PRKCE: variants seen among roughly 807,000 people sequenced by gnomAD.
PRKCE encodes protein kinase C epsilon type.
PRKCE carries 16 observed loss-of-function variants against 85.4 expected under a neutral mutation model. The ratio of observed to expected loss-of-function variants is 0.19; its 90% CI spans 0.13 to 0.28. PRKCE has a LOEUF of 0.28. Ranked by LOEUF, PRKCE falls within the 10% of genes least tolerant of loss-of-function variation. PRKCE has a pLI of 1.00. For synonymous variants in PRKCE, 388 were observed against 371.5 expected, an observed-to-expected ratio of 1.04 and a Z score of -0.51; for missense variants, 573 against 975.2, an observed-to-expected ratio of 0.59 and a Z score of 5.49.
chr2:46,074,460 A>G (rs1401459736), intron 10 of PRKCE, among the ~76,000 whole-genome samples: 1 of 150,052 alleles, frequency 6.7e-6, no homozygotes, highest in Non-Finnish European at 1.5e-5. Flanking sequence ...AAAAACACGG[A>G]TAGAAAAAAC....
chr2:46,108,313 ATTATG>A (rs1671934446), intron 11 of PRKCE, among the ~76,000 whole-genome samples: 1 of 151,966 alleles, frequency 6.6e-6, no homozygotes, highest in Admixed American at 6.5e-5. Context: ...TTGACTTTTT[ATTATG>A]TTAATAGTGT....
At chr2:45,917,006 CAA>C (rs1325005564) in intron 2 of PRKCE, among the ~76,000 whole-genome samples, 1 of 152,092 alleles carries the variant, frequency 6.6e-6, no homozygotes, top group African/African-American at 2.4e-5. Context: ...GGATTTATTG[CAA>C]AGAGTGAAAG....
chr2:46,038,562 C>T (rs1053763302), intron 10 of PRKCE, among the ~76,000 whole-genome samples: 1 of 151,930 alleles, frequency 6.6e-6, no homozygotes, highest in Non-Finnish European at 1.5e-5. Context: ...CAAAGGTTCT[C>T]ACCTCCCAAA....
rs1249861884 is a variant in PRKCE at position 46,063,210 on chromosome 2, G to A, written c.1438-22998G>A. Among the ~76,000 whole-genome samples, 5 of 152,110 alleles carry A rather than the reference G, an allele frequency of 3.3e-5. No homozygotes were observed. The East Asian group carries it at 9.6e-4, about 29-fold the overall frequency. On this transcript the variant is annotated intron_variant, in intron 10 of 14. Transcript: ENST00000306156. ...GGTTATTATGTTCCGTTGATCCAGGGCCAGAAAGAGGAGACAAAGGACCTA... is the reference window on the plus strand; with the variant it reads ...GGTTATTATGTTCCGTTGATCCAGGACCAGAAAGAGGAGACAAAGGACCTA...
At chr2:46,051,365 G>C (rs771472747) in intron 10 of PRKCE, among the ~76,000 whole-genome samples, 14 of 152,206 alleles carry the variant, frequency 9.2e-5, no homozygotes. Context: ...ATCTGTGACT[G>C]TGAAGGTGGG....
intron 10 of PRKCE, among the ~76,000 whole-genome samples, chr2:46,012,618 A>G (rs1176107107): frequency 6.6e-6 from 1 of 152,120 alleles, no homozygotes; most frequent in Non-Finnish European, 1.5e-5. Context: ...TCTTTACACC[A>G]TTATCAAGAA....
intron 1 of PRKCE, among the ~76,000 whole-genome samples, chr2:45,738,018 A>G (rs1682231465): frequency 2.0e-5 from 3 of 151,986 alleles, no homozygotes; most frequent in Admixed American, 2.0e-4. Context: ...AGGTCCTGAC[A>G]GCCTCCTATG....
intron 1 of PRKCE, among the ~76,000 whole-genome samples, chr2:45,720,462 AATC>A (rs1680521989): frequency 6.6e-6 from 1 of 152,074 alleles, no homozygotes; most frequent in Admixed American, 6.6e-5. Flanking sequence ...ACAATACTGA[AATC>A]ATAAAGTTCA....
chr2:45,651,838 C>T lies in PRKCE; in HGVS notation c.-263C>T. On this transcript the variant is annotated 5_prime_UTR_variant, in exon 1 of 15. Coordinates refer to ENST00000306156, the MANE Select transcript of PRKCE (RefSeq NM_005400.3). ...CTCTTCTGGAGGTGCAGCTGGTGGT[C>T]GGGGGGAGAGACTTGCTCCAAACAC... is the stretch of plus-strand genomic sequence containing the variant. 2.8e-6 allele frequency: 1 copy of T among 355,122 alleles called. No homozygotes were observed. Among genetic ancestry groups the T allele is most frequent in the Non-Finnish European group, 5.1e-6 (1 of 195,014 alleles). 22.0% of individuals were successfully genotyped at this position (355,122 alleles called of 1,614,324 possible).
chr2:46,128,437 C>G (rs890861022), intron 11 of PRKCE, among the ~76,000 whole-genome samples: 18 of 152,260 alleles, frequency 1.2e-4, no homozygotes, highest in African/African-American at 4.1e-4. Context: ...TCACAGTAAG[C>G]CTTTGAAATG....
At chr2:45,909,259 A>G (rs917101456) in intron 2 of PRKCE, among the ~76,000 whole-genome samples, 2 of 152,216 alleles carry the variant, frequency 1.3e-5, no homozygotes, top group Non-Finnish European at 1.5e-5. Flanking sequence ...AACGAAGATT[A>G]TTGTCCCCAA....
intron 1 of PRKCE, among the ~76,000 whole-genome samples, chr2:45,807,886 C>T (rs1459647078): frequency 6.6e-6 from 1 of 152,000 alleles, no homozygotes; most frequent in Non-Finnish European, 1.5e-5. Flanking sequence ...TTCTCTCCCC[C>T]TGCTGCTTGA....
intron 2 of PRKCE, among the ~76,000 whole-genome samples, chr2:45,939,561 C>CTT (rs35070039): frequency 1.2e-3 from 184 of 148,818 alleles, no homozygotes; most frequent in African/African-American, 1.9e-3. Flanking sequence ...AGTTAATGCA[C>CTT]TTTTTTTTTT....
At chr2:45,764,065 T>A (rs1055680843) in intron 1 of PRKCE, among the ~76,000 whole-genome samples, 1 of 152,238 alleles carries the variant, frequency 6.6e-6, no homozygotes, top group African/African-American at 2.4e-5. Flanking sequence ...TGAACTGCGA[T>A]CCCTTGGGTT....
At chr2:45,922,256 T>G (rs985826134) in intron 2 of PRKCE, among the ~76,000 whole-genome samples, 1 of 152,214 alleles carries the variant, frequency 6.6e-6, no homozygotes, top group African/African-American at 2.4e-5. Context: ...TTCCATTAAA[T>G]GGTAGTTTTA....
intron 1 of PRKCE, among the ~76,000 whole-genome samples, chr2:45,722,807 ATAAGT>A (rs1206135995): frequency 6.6e-6 from 1 of 152,216 alleles, no homozygotes; most frequent in African/African-American, 2.4e-5. Context: ...CAGTTAAAAG[ATAAGT>A]TAACAGGGCT....
intron 1 of PRKCE, among the ~76,000 whole-genome samples, chr2:45,808,935 C>G (rs941479156): frequency 3.3e-5 from 5 of 152,162 alleles, no homozygotes; most frequent in Non-Finnish European, 7.3e-5. Context: ...ATATCCTACT[C>G]CCTCCTGTTG....
At chr2:45,911,998 G>GA in intron 2 of PRKCE, among the ~76,000 whole-genome samples, 1 of 151,912 alleles carries the variant, frequency 6.6e-6, no homozygotes. Flanking sequence ...TGAAAAGCTA[G>GA]AAAAAAGTTT....
chr2:45,892,281 C>T (rs1695780735), intron 2 of PRKCE, among the ~76,000 whole-genome samples: 1 of 152,216 alleles, frequency 6.6e-6, no homozygotes. Context: ...TTTCATGTCC[C>T]ATGCCTGTCC....
Sources: allele counts gnomAD v4.1 joint callset (sites outside exome capture counted in the v4.1 genomes callset), GRCh38; gene constraint gnomAD v4.1.1; transcripts MANE v1.5; gene names NCBI Gene and HGNC (gene_info 2026-07-23, HGNC 2026-07-21).